Variants in LEMD1 observed in about 807,000 individuals in gnomAD.
The protein encoded by LEMD1 is LEM domain containing 1, also known as LEM domain-containing protein 1.
Under a neutral mutation model 17.4 loss-of-function variants are expected in LEMD1, and 18 were observed. That is an observed-to-expected ratio of 1.04 (90% CI 0.72 to 1.54). The LOEUF (loss-of-function observed/expected upper bound fraction) is 1.54, where lower values mean the gene tolerates loss of function less well. Among genes scored for constraint, LEMD1 ranks in the 40% most tolerant of loss-of-function variants. LEMD1 has a pLI of 0.00. For synonymous variants in LEMD1, 88 were observed against 77.8 expected (o/e 1.13, Z -0.69); for missense variants, 195 against 210.4 (o/e 0.93, Z 0.45).
chr1:205,421,623 G>C (rs115777248), intron 1 of LEMD1, among the ~76,000 whole-genome samples: 1,563 of 152,264 alleles, frequency 0.01, 19 homozygotes, highest in African/African-American at 0.036. Flanking sequence ...ATGCTTTAAA[G>C]AGAGTTACAT....
At chr1:205,390,345 ACTCT>A (rs1428947106) in intron 4 of LEMD1, among the ~76,000 whole-genome samples, 1 of 150,228 alleles carries the variant, frequency 6.7e-6, no homozygotes, top group Non-Finnish European at 1.5e-5. Context: ...ACAGAGCTAC[ACTCT>A]CTCTCTAAAA....
chr1:205,427,729 A>G (rs534694494), intron 1 of LEMD1, among the ~76,000 whole-genome samples: 2 of 152,350 alleles, frequency 1.3e-5, no homozygotes, highest in Admixed American at 1.3e-4. Flanking sequence ...CAGAAAGATA[A>G]TAAAAGTGGA....
chr1:205,426,616 C>T (rs925116425), upstream of LEMD1, among the ~76,000 whole-genome samples: 1 of 152,102 alleles, frequency 6.6e-6, no homozygotes, highest in Non-Finnish European at 1.5e-5. Flanking sequence ...ATGAACAAGG[C>T]TTGGGGGTAG....
At chr1:205,446,055 C>T (rs1376245112) in intron 1 of LEMD1, among the ~76,000 whole-genome samples, 2 of 152,162 alleles carry the variant, frequency 1.3e-5, no homozygotes, top group African/African-American at 2.4e-5. Context: ...ACTTAGATTG[C>T]TGGGAATAAA....
At chr1:205,424,702 G>T (rs1165750657), upstream of LEMD1, among the ~76,000 whole-genome samples, 1 of 152,188 alleles carries the variant, frequency 6.6e-6, no homozygotes, top group African/African-American at 2.4e-5. Flanking sequence ...ACGGGCTGGG[G>T]ACAGACATTC....
At chr1:205,392,142 T>C (rs1664373633) in intron 4 of LEMD1, among the ~76,000 whole-genome samples, 1 of 151,336 alleles carries the variant, frequency 6.6e-6, no homozygotes, top group South Asian at 2.1e-4. Flanking sequence ...CCATCCAGGG[T>C]CTCCTGAGGG....
At chr1:205,409,920 G>C (rs1235359884) in intron 4 of LEMD1, among the ~76,000 whole-genome samples, 2 of 151,874 alleles carry the variant, frequency 1.3e-5, no homozygotes, top group Non-Finnish European at 2.9e-5. Context: ...TTACAGGCAT[G>C]CACCACCACG....
intron 4 of LEMD1, among the ~76,000 whole-genome samples, chr1:205,402,731 CA>C (rs1664909102): frequency 6.6e-6 from 1 of 150,536 alleles, no homozygotes; most frequent in African/African-American, 2.4e-5. Flanking sequence ...GAACTTCCAA[CA>C]CTATGTTGAA....
At chr1:205,402,772 T>G in intron 4 of LEMD1, among the ~76,000 whole-genome samples, 1 of 150,268 alleles carries the variant, frequency 6.7e-6, no homozygotes. Context: ...CATCCCTGTC[T>G]TGTGCCAGTT....
At chr1:205,438,515 A>G (rs553793993) in intron 1 of LEMD1, among the ~76,000 whole-genome samples, 1 of 152,334 alleles carries the variant, frequency 6.6e-6, no homozygotes, top group East Asian at 1.9e-4. Context: ...AGAGGAGGGC[A>G]CAGGTGTCCA....
intron 4 of LEMD1, among the ~76,000 whole-genome samples, chr1:205,389,409 G>A (rs745355576): frequency 6.6e-6 from 1 of 152,086 alleles, no homozygotes; most frequent in Non-Finnish European, 1.5e-5. Flanking sequence ...TGTCCATAAA[G>A]AAATACAAGT....
intron 4 of LEMD1, among the ~76,000 whole-genome samples, chr1:205,414,378 T>C (rs1291604819): frequency 2.0e-5 from 3 of 151,328 alleles, no homozygotes; most frequent in Non-Finnish European, 4.4e-5. Context: ...AGGCCAAGAG[T>C]TCGAGACCAG....
intron 4 of LEMD1, among the ~76,000 whole-genome samples, chr1:205,410,296 C>G (rs745974466): frequency 6.6e-6 from 1 of 152,118 alleles, no homozygotes; most frequent in African/African-American, 2.4e-5. Flanking sequence ...AGGATCTATG[C>G]CTTTTTCTGC....
intron 4 of LEMD1, 47 bp from the exon 5 acceptor site, chr1:205,384,411 T>C: frequency 8.1e-7 from 1 of 1,228,490 alleles, no homozygotes; most frequent in Non-Finnish European, 1.1e-6. Context: ...TTCCAATGTC[T>C]TATACAAATA....
intron 1 of LEMD1, among the ~76,000 whole-genome samples, chr1:205,444,853 G>A (rs2102470701): frequency 6.6e-6 from 1 of 151,908 alleles, no homozygotes. Flanking sequence ...AGAGAGCAGA[G>A]GCACTCTCAG....
Position 205,420,470 on chromosome 1 carries a change from G to C in LEMD1, c.67C>G (p.Pro23Ala), listed in dbSNP as rs768951969. Residue 23 changes from proline (P) to alanine (A), a missense_variant, in exon 2 of 6, where the codon CCT (proline) becomes GCT (alanine). Transcript: ENST00000367153. ...CTGTACATACGTAGTATTGGGCCAG[G>C]TGAAAATCCAAGCTTCTCAAGTTGG... Reference protein sequence around the residue: ...QNQLEKLGFSPGPILPSTRKL... With the variant: ...QNQLEKLGFSAGPILPSTRKL... 1 of 1,613,344 alleles carries C rather than the reference G, an allele frequency of 6.2e-7. No individual in the cohort carries two copies. The highest frequency in any genetic ancestry group is 1.7e-5 in the Admixed American group (1 of 60,020).
At chr1:205,388,325 G>A (rs767553551) in intron 4 of LEMD1, among the ~76,000 whole-genome samples, 2 of 152,006 alleles carry the variant, frequency 1.3e-5, no homozygotes, top group Non-Finnish European at 2.9e-5. Flanking sequence ...AGCCTCCTGA[G>A]TAGCTGGGAT....
At chr1:205,390,347 TC>T (rs1664275557) in intron 4 of LEMD1, among the ~76,000 whole-genome samples, 1 of 148,664 alleles carries the variant, frequency 6.7e-6, no homozygotes, top group Non-Finnish European at 1.5e-5. Flanking sequence ...AGAGCTACAC[TC>T]TCTCTCTAAA....
At chr1:205,399,428 T>C (rs4551644) in intron 4 of LEMD1, among the ~76,000 whole-genome samples, 46,983 of 152,090 alleles carry the variant, frequency 0.31, 7,620 homozygotes, top group African/African-American at 0.39. Context: ...TGTATACGTA[T>C]ACAGATACAT....
Sources: gnomAD v4.1 joint callset for allele counts (sites outside exome capture counted in the v4.1 genomes callset) on GRCh38, gnomAD v4.1.1 for gene constraint, MANE v1.5 for transcripts, NCBI Gene and HGNC (gene_info 2026-07-23, HGNC 2026-07-21) for gene names.